ABHD17B: variants seen among roughly 807,000 people sequenced by gnomAD.
ABHD17B encodes alpha/beta hydrolase domain-containing protein 17B.
ABHD17B carries 9 observed loss-of-function variants against 26.2 expected under a neutral mutation model. The observed-to-expected ratio is 0.34, with a 90% confidence interval of 0.21 to 0.60. The LOEUF is 0.60. Among genes scored for constraint, ABHD17B ranks in the 20% least tolerant of loss-of-function variants. The pLI, the probability that ABHD17B is intolerant of heterozygous loss-of-function variation, is 0.80. For missense variants in ABHD17B, 224 were observed against 352.1 expected, an observed-to-expected ratio of 0.64 and a Z score of 2.91; for synonymous variants, 127 against 122.3, an observed-to-expected ratio of 1.04 and a Z score of -0.25.
intron 2 of ABHD17B, among the ~76,000 whole-genome samples, chr9:71,872,886 A>G (rs908273282): frequency 3.3e-5 from 5 of 151,976 alleles, no homozygotes; most frequent in Admixed American, 1.3e-4. Flanking sequence ...CTTATTCCCC[A>G]TATTTATGTT....
intron 1 of ABHD17B, among the ~76,000 whole-genome samples, chr9:71,887,346 T>G (rs920953913): frequency 2.0e-5 from 3 of 152,086 alleles, no homozygotes; most frequent in African/African-American, 7.2e-5. Context: ...TATGATGACA[T>G]TATAGTAGAA....
chr9:71,876,400 C>T (rs779271851), intron 1 of ABHD17B, among the ~76,000 whole-genome samples: 69 of 152,112 alleles, frequency 4.5e-4, no homozygotes, highest in Non-Finnish European at 8.1e-4. Context: ...ATACAACATA[C>T]GGTGAGTGAT....
At chr9:71,894,873 A>G (rs1423629981) in intron 1 of ABHD17B, among the ~76,000 whole-genome samples, 7 of 152,196 alleles carry the variant, frequency 4.6e-5, no homozygotes, top group African/African-American at 1.4e-4. Context: ...CAAATGAACC[A>G]TTTCATAAAT....
In ABHD17B at chr9:71,874,845, A is replaced by G; in HGVS notation, c.236T>C (p.Ile79Thr). The change falls in exon 2 of 4, where the codon ATT becomes ACT. Residue 79 changes from isoleucine (I) to threonine (T), a missense_variant. By Grantham distance (89) the Ile-to-Thr change is moderately conservative. Transcript: ENST00000333421. The stretch of plus-strand genomic sequence containing the variant: ...TGAACAACGTACAAACATACAAGCA[A>G]TTCTGTTGCCTTTACTGGTTCTAGT... The part of the protein sequence containing the change: ...FMTRTSKGNR[I>T]ACMFVRCSPN... 6.2e-7 allele frequency: 1 copy of G among 1,614,206 alleles called. No homozygotes were observed.
At chr9:71,870,414 C>T (rs1826077516) in intron 2 of ABHD17B, 152 bp from the exon 3 acceptor site, 1 of 585,948 alleles carries the variant, frequency 1.7e-6, no homozygotes, top group Non-Finnish European at 2.7e-6. Context: ...TTAGTTTTAA[C>T]ATTACAATAA....
At chr9:71,879,825 T>C (rs374524278) in intron 1 of ABHD17B, among the ~76,000 whole-genome samples, 9 of 152,286 alleles carry the variant, frequency 5.9e-5, no homozygotes, top group East Asian at 5.8e-4. Flanking sequence ...TACACCCATT[T>C]TGCAATTGAG....
intron 1 of ABHD17B, among the ~76,000 whole-genome samples, chr9:71,899,324 T>C (rs949681725): frequency 1.3e-5 from 2 of 152,166 alleles, no homozygotes; most frequent in African/African-American, 4.8e-5. Context: ...GTAAAAACAT[T>C]GAGGCAAATC....
intron 1 of ABHD17B, among the ~76,000 whole-genome samples, chr9:71,904,847 A>G (rs1211202821): frequency 1.3e-5 from 2 of 152,250 alleles, no homozygotes; most frequent in East Asian, 3.8e-4. Flanking sequence ...TCATCAGAAC[A>G]TCTTAACATA....
intron 3 of ABHD17B, among the ~76,000 whole-genome samples, chr9:71,868,597 G>C (rs185892711): frequency 2.1e-4 from 32 of 152,262 alleles, no homozygotes; most frequent in African/African-American, 7.2e-4. Flanking sequence ...ATAAATACTT[G>C]GGTTTACTAT....
intron 2 of ABHD17B, among the ~76,000 whole-genome samples, chr9:71,872,150 C>T (rs1826132691): frequency 1.3e-5 from 2 of 152,144 alleles, no homozygotes; most frequent in African/African-American, 4.8e-5. Flanking sequence ...AATTCAATCT[C>T]TTCATTAAAC....
intron 1 of ABHD17B, among the ~76,000 whole-genome samples, chr9:71,886,187 T>G (rs780024077): frequency 2.6e-5 from 4 of 152,190 alleles, no homozygotes; most frequent in Non-Finnish European, 5.9e-5. Flanking sequence ...AACTCTAAGC[T>G]CTGAGTGTTA....
intron 2 of ABHD17B, among the ~76,000 whole-genome samples, chr9:71,873,690 CCAGA>C (rs1252644781): frequency 6.6e-6 from 1 of 152,040 alleles, no homozygotes; most frequent in African/African-American, 2.4e-5. Context: ...GCCACTGCGC[CCAGA>C]CATTTTTTTT....
intron 2 of ABHD17B, 93 bp from the exon 3 acceptor site, chr9:71,870,355 C>T: frequency 6.9e-6 from 8 of 1,167,128 alleles, no homozygotes; most frequent in Non-Finnish European, 9.3e-6. Context: ...TAGAATAAGA[C>T]AATGTCAACT....
intron 3 of ABHD17B, 114 bp from the exon 4 acceptor site, chr9:71,867,120 G>A: frequency 1.5e-6 from 2 of 1,303,836 alleles, no homozygotes; most frequent in Non-Finnish European, 2.1e-6. Flanking sequence ...AATCAGTTCA[G>A]AAGGTAAGAA....
intron 1 of ABHD17B, among the ~76,000 whole-genome samples, chr9:71,903,676 G>A (rs946398519): frequency 2.0e-5 from 3 of 152,112 alleles, no homozygotes; most frequent in Non-Finnish European, 1.5e-5. Flanking sequence ...AAAGGTTTAG[G>A]GTTTGTCTAC....
chr9:71,862,569 A>T (rs769172410), downstream of ABHD17B: 1 of 1,571,578 alleles, frequency 6.4e-7, no homozygotes, highest in South Asian at 1.1e-5. Context: ...AAAACTGTAG[A>T]CCTTGAGAAA....
intron 1 of ABHD17B, among the ~76,000 whole-genome samples, chr9:71,884,599 C>T (rs1826549397): frequency 6.7e-6 from 1 of 149,496 alleles, no homozygotes; most frequent in Admixed American, 6.7e-5. Flanking sequence ...AGAGTATATG[C>T]TTACCAAAGG....
At chr9:71,867,043 T>C in intron 3 of ABHD17B, 37 bp from the exon 4 acceptor site, 1 of 1,602,090 alleles carries the variant, frequency 6.2e-7, no homozygotes. Flanking sequence ...ATGCAATAAA[T>C]TAACTATGTA....
At chr9:71,899,613 GAGCACT>G (rs926860448) in intron 1 of ABHD17B, among the ~76,000 whole-genome samples, 1 of 152,112 alleles carries the variant, frequency 6.6e-6, no homozygotes, top group African/African-American at 2.4e-5. Flanking sequence ...ATTGTGGAAG[GAGCACT>G]AGCCCAAGAG....
Sources: gnomAD v4.1 joint callset for allele counts (sites outside exome capture counted in the v4.1 genomes callset) on GRCh38, gnomAD v4.1.1 for gene constraint, MANE v1.5 for transcripts, NCBI Gene and HGNC (gene_info 2026-07-23, HGNC 2026-07-21) for gene names.